Variants in ACTN2 observed in about 807,000 individuals in gnomAD.
ACTN2 encodes alpha-actinin-2.
In ACTN2, 39 loss-of-function variants were observed where a neutral mutation model predicts 113.8. The observed-to-expected ratio is 0.34, with a 90% CI of 0.27 to 0.45. The LOEUF (loss-of-function observed/expected upper bound fraction) is 0.45, where lower values mean the gene tolerates loss of function less well. Ranked by LOEUF, ACTN2 falls within the 20% of genes least tolerant of loss-of-function variation. ACTN2 has a pLI of 1.00. For synonymous variants in ACTN2, 429 were observed against 444.1 expected, an observed-to-expected ratio of 0.97 and a Z score of 0.43; for missense variants, 992 against 1,177.9, an observed-to-expected ratio of 0.84 and a Z score of 2.31.
At chr1:236,750,613 C>G (rs995941058) in intron 14 of ACTN2, among the ~76,000 whole-genome samples, 3 of 152,150 alleles carry the variant, frequency 2.0e-5, no homozygotes, top group Non-Finnish European at 4.4e-5. Context: ...TGGGGCTGCT[C>G]ATGTTCAGGT....
intron 12 of ACTN2, among the ~76,000 whole-genome samples, chr1:236,745,155 C>T (rs548894509): frequency 2.0e-4 from 30 of 152,292 alleles, no homozygotes; most frequent in African/African-American, 7.2e-4. Context: ...AGGGCACTGG[C>T]CGGGCGCGGT....
chr1:236,760,375 C>CA (rs1209049512), intron 19 of ACTN2, among the ~76,000 whole-genome samples: 1 of 152,198 alleles, frequency 6.6e-6, no homozygotes, highest in Non-Finnish European at 1.5e-5. Flanking sequence ...AGATATAACT[C>CA]ACGTACTACG....
At chr1:236,687,011 G>T (rs1457682017) in intron 1 of ACTN2, among the ~76,000 whole-genome samples, 1 of 151,848 alleles carries the variant, frequency 6.6e-6, no homozygotes, top group African/African-American at 2.4e-5. Context: ...GTGCGCGCGC[G>T]CTAGCAGCAT....
chr1:236,717,785 C>A, intron 1 of ACTN2, 73 bp from the exon 2 acceptor site: 1 of 1,016,730 alleles, frequency 9.8e-7, no homozygotes. Context: ...TGTAAGGTGT[C>A]AAGTGTCGTC....
chr1:236,752,010 ATTT>A (rs1228524426), intron 15 of ACTN2, among the ~76,000 whole-genome samples: 1 of 152,174 alleles, frequency 6.6e-6, no homozygotes, highest in Non-Finnish European at 1.5e-5. Flanking sequence ...TTTTAAAAGA[ATTT>A]TTAGAATATG....
chr1:236,695,206 A>G (rs939183103), intron 1 of ACTN2, among the ~76,000 whole-genome samples: 25 of 104,458 alleles, frequency 2.4e-4, no homozygotes, highest in African/African-American at 7.9e-4. Flanking sequence ...GTCTCTACTA[A>G]AAATACAAAA....
chr1:236,759,869 A>G, intron 19 of ACTN2, 80 bp downstream of exon 19: 2 of 1,362,524 alleles, frequency 1.5e-6, no homozygotes, highest in Non-Finnish European at 1.0e-6. Context: ...GACAAGCTCA[A>G]ACCAAGGTAG....
At chr1:236,733,671 CCCTGTATT>C (rs1415687664) in intron 7 of ACTN2, among the ~76,000 whole-genome samples, 23 of 152,314 alleles carry the variant, frequency 1.5e-4, no homozygotes, top group South Asian at 4.1e-4. Flanking sequence ...GCCACGCATT[CCCTGTATT>C]CCTGTATTCC....
intron 15 of ACTN2, among the ~76,000 whole-genome samples, chr1:236,752,522 G>T: frequency 7.3e-6 from 1 of 136,860 alleles, no homozygotes; most frequent in African/African-American, 2.6e-5. Context: ...GGCGGGGGGA[G>T]GAAATATATC....
chr1:236,740,360 C>T (rs560644141), intron 10 of ACTN2, among the ~76,000 whole-genome samples: 26 of 151,814 alleles, frequency 1.7e-4, no homozygotes, highest in East Asian at 5.9e-4. Context: ...GTGATCCGCC[C>T]GCCTCGGCCT....
intron 10 of ACTN2, among the ~76,000 whole-genome samples, chr1:236,742,301 G>A (rs953661743): frequency 6.9e-6 from 1 of 144,038 alleles, no homozygotes; most frequent in Non-Finnish European, 1.6e-5. Context: ...CTTTAGAGGT[G>A]TTGTTTACCC....
chr1:236,706,807 A>G (rs1657835652), intron 1 of ACTN2, among the ~76,000 whole-genome samples: 1 of 152,244 alleles, frequency 6.6e-6, no homozygotes, highest in South Asian at 2.1e-4. Context: ...ACTTGGAAGT[A>G]TTGAAAACTT....
rs560291486 is a variant in ACTN2 at position 236,751,727 on chromosome 1, C to T, written c.1839+75C>T. 5.2e-4 allele frequency: 818 copies of T among 1,567,052 alleles called. 4 individuals carry two copies. The highest frequency in any genetic ancestry group is 7.3e-4 in the Admixed American group (43 of 58,952). ...ACGTCGAAGGAGGAAGTTAACGCCTCGGGGACTTAGGGTGACGGCCTCATT... is the reference window on the plus strand; with the variant it reads ...ACGTCGAAGGAGGAAGTTAACGCCTTGGGGACTTAGGGTGACGGCCTCATT... On this transcript the variant is annotated intron_variant, in intron 15 of 20. Transcript: ENST00000366578.
At chr1:236,762,235 T>G (rs981028202) in intron 20 of ACTN2, among the ~76,000 whole-genome samples, 2 of 152,190 alleles carry the variant, frequency 1.3e-5, no homozygotes, top group African/African-American at 4.8e-5. Flanking sequence ...TCCATTTGCC[T>G]TTATGAAGCA....
At chr1:236,751,180 G>C (rs1220159520) in intron 14 of ACTN2, among the ~76,000 whole-genome samples, 1 of 151,404 alleles carries the variant, frequency 6.6e-6, no homozygotes, top group Admixed American at 6.6e-5. Context: ...ACAATAGCTG[G>C]TGATCAAAAT....
intron 4 of ACTN2, among the ~76,000 whole-genome samples, chr1:236,720,619 TTTC>T (rs1312259165): frequency 2.0e-5 from 3 of 152,148 alleles, no homozygotes; most frequent in African/African-American, 7.2e-5. Flanking sequence ...CTTTTTCTTT[TTTC>T]TTCTTTTTCT....
intron 1 of ACTN2, among the ~76,000 whole-genome samples, chr1:236,693,751 G>A (rs115906442): frequency 0.017 from 2,512 of 152,208 alleles, 21 homozygotes; most frequent in Middle Eastern, 0.072. Flanking sequence ...CAAGGGTCAT[G>A]CTCGTCTGCT....
At chr1:236,693,473 G>T (rs936164242) in intron 1 of ACTN2, among the ~76,000 whole-genome samples, 5 of 152,148 alleles carry the variant, frequency 3.3e-5, no homozygotes, top group Admixed American at 3.3e-4. Flanking sequence ...TGTAAGGAAG[G>T]TGTTTTCAAA....
At chr1:236,735,809 CACATCT>C in intron 8 of ACTN2, 89 bp downstream of exon 8, 1 of 1,118,730 alleles carries the variant, frequency 8.9e-7, no homozygotes, top group Non-Finnish European at 1.3e-6. Context: ...TTGTGCGCTT[CACATCT>C]TACCTTGGAA....
Sources: allele counts gnomAD v4.1 joint callset (sites outside exome capture counted in the v4.1 genomes callset), GRCh38; gene constraint gnomAD v4.1.1; transcripts MANE v1.5; gene names NCBI Gene and HGNC (gene_info 2026-07-23, HGNC 2026-07-21).